Variants in CACNA1D observed in about 807,000 individuals in gnomAD.
CACNA1D encodes the protein calcium voltage-gated channel subunit alpha1 D.
A neutral mutation model predicts 257.1 loss-of-function variants in CACNA1D; 55 were observed. That is an observed-to-expected ratio of 0.21 (90% confidence interval 0.17 to 0.27). The LOEUF (loss-of-function observed/expected upper bound fraction) is 0.27. Ranked by LOEUF, CACNA1D falls within the 10% of genes least tolerant of loss-of-function variation. CACNA1D has a pLI of 1.00. For synonymous variants in CACNA1D, 980 were observed against 1,014.9 expected (o/e 0.97, Z 0.65); for missense variants, 1,876 against 2,784.0 (o/e 0.67, Z 7.34).
chr3:53,615,232 G>C (rs2093624779), intron 3 of CACNA1D, among the ~76,000 whole-genome samples: 1 of 152,098 alleles, frequency 6.6e-6, no homozygotes, highest in African/African-American at 2.4e-5. Context: ...CCTTCCTCAG[G>C]GGTTCAAATC....
At chr3:53,517,763 T>C (rs1170278469) in intron 3 of CACNA1D, among the ~76,000 whole-genome samples, 1 of 152,228 alleles carries the variant, frequency 6.6e-6, no homozygotes, top group African/African-American at 2.4e-5. Context: ...ATTACAGGCA[T>C]GAGCCACCGT....
intron 7 of CACNA1D, among the ~76,000 whole-genome samples, chr3:53,669,918 C>G (rs1167460686): frequency 6.6e-6 from 1 of 152,166 alleles, no homozygotes; most frequent in Admixed American, 6.5e-5. Flanking sequence ...TCTCAAGATG[C>G]AGAAATAAAC....
intron 3 of CACNA1D, among the ~76,000 whole-genome samples, chr3:53,615,592 T>C (rs1393088616): frequency 6.6e-6 from 1 of 152,214 alleles, no homozygotes; most frequent in Non-Finnish European, 1.5e-5. Flanking sequence ...GGCTTAAAGT[T>C]GCTGAGACAG....
chr3:53,589,018 C>G (rs116075285), intron 3 of CACNA1D, among the ~76,000 whole-genome samples: 3 of 152,212 alleles, frequency 2.0e-5, no homozygotes, highest in Admixed American at 6.5e-5. Flanking sequence ...CTAAAACTTA[C>G]GCATCACGGC....
At chr3:53,629,793 G>A (rs1464372916) in intron 3 of CACNA1D, among the ~76,000 whole-genome samples, 1 of 152,212 alleles carries the variant, frequency 6.6e-6, no homozygotes, top group Non-Finnish European at 1.5e-5. Context: ...GAGCCCCGAT[G>A]TATAAATGGT....
chr3:53,556,719 T>A (rs2092651216), intron 3 of CACNA1D, among the ~76,000 whole-genome samples: 1 of 152,032 alleles, frequency 6.6e-6, no homozygotes, highest in Non-Finnish European at 1.5e-5. Context: ...CTCTTTTTTT[T>A]TTTTAATTTT....
At chr3:53,587,103 A>T (rs1559880444) in intron 3 of CACNA1D, among the ~76,000 whole-genome samples, 1 of 152,170 alleles carries the variant, frequency 6.6e-6, no homozygotes, top group Non-Finnish European at 1.5e-5. Context: ...AAGCTGTGAG[A>T]AGCCACTAAA....
rs970531405 is a variant in CACNA1D at position 53,673,874 on chromosome 3, C to T, written c.1220+748C>T. 2.0e-5 allele frequency: 21 copies of T among 1,054,992 alleles called. No homozygotes were observed. The highest frequency in any genetic ancestry group is 1.0e-4 in the Admixed American group (6 of 59,286). 65.4% of individuals were successfully genotyped at this position (1,054,992 alleles called of 1,614,324 possible). On this transcript the variant is annotated intron_variant, in intron 8 of 47. Transcript: ENST00000350061. The surrounding 1 kb of genome is among the most constrained non-coding windows in gnomAD (Gnocchi z 4.1). ...TGCTGCCACGTGTGAGGCAACTCTG[C>T]GTGTCTCCTAGCTGCTCCCTGACAG... is the stretch of plus-strand genomic sequence containing the variant.
Position 53,495,219 on chromosome 3 carries a change from C to A in CACNA1D, c.53C>A (p.Ala18Glu). 1 of 1,613,726 alleles carries A rather than the reference C, an allele frequency of 6.2e-7. No homozygotes were observed. The highest frequency in any genetic ancestry group is 1.1e-5 in the South Asian group (1 of 91,060). Residue 18 changes from alanine (A) to glutamate (E), a missense_variant, in exon 1 of 48, where the codon GCG becomes GAG. Around this residue, in one of 10 missense-constraint regions of CACNA1D, gnomAD observed 143 missense variants for 168.7 expected, o/e 0.85. Coordinates refer to ENST00000350061, the MANE Select transcript of CACNA1D (RefSeq NM_001128840.3). This position sits in a 1 kb window ranked among gnomAD's most constrained non-coding sequence, Gnocchi z 5.1. Reference sequence around the variant, plus strand: ...ATGCAGCATCAACGGCAGCAGCAAGCGGACCACGCGAACGGTGAGCAGCCA... The same window carrying A: ...ATGCAGCATCAACGGCAGCAGCAAGAGGACCACGCGAACGGTGAGCAGCCA... ...KKMQHQRQQQ[A>E]DHANEANYAR...
At chr3:53,540,160 C>A (rs1378545447) in intron 3 of CACNA1D, among the ~76,000 whole-genome samples, 1 of 151,922 alleles carries the variant, frequency 6.6e-6, no homozygotes, top group Non-Finnish European at 1.5e-5. Flanking sequence ...ACTCTGTCAC[C>A]CAGGCTAGAG....
chr3:53,722,067 G>T (rs1203624134), intron 11 of CACNA1D, among the ~76,000 whole-genome samples: 1 of 152,210 alleles, frequency 6.6e-6, no homozygotes. Context: ...TTATCTATAA[G>T]CCATAAGGAA....
intron 3 of CACNA1D, among the ~76,000 whole-genome samples, chr3:53,648,957 T>C (rs565207561): frequency 6.6e-6 from 1 of 152,222 alleles, no homozygotes; most frequent in South Asian, 2.1e-4. Context: ...AACAGCCCTG[T>C]CCTTGGAAGG....
At chr3:53,525,067 G>C (rs1472974104) in intron 3 of CACNA1D, among the ~76,000 whole-genome samples, 1 of 152,098 alleles carries the variant, frequency 6.6e-6, no homozygotes, top group African/African-American at 2.4e-5. Flanking sequence ...TTGAGGTTCT[G>C]CTTAGCACTT....
chr3:53,697,047 C>T (rs899176084), intron 8 of CACNA1D, among the ~76,000 whole-genome samples: 1 of 152,224 alleles, frequency 6.6e-6, no homozygotes, highest in Non-Finnish European at 1.5e-5. Context: ...GCATAAGACA[C>T]TTCACAGCTG....
At chr3:53,497,677 A>ATAG (rs1559751448) in intron 2 of CACNA1D, among the ~76,000 whole-genome samples, 1 of 151,992 alleles carries the variant, frequency 6.6e-6, no homozygotes, top group Non-Finnish European at 1.5e-5. Context: ...GGATGTGTGT[A>ATAG]TAGTAGTAGT....
In CACNA1D at chr3:53,756,162, C is replaced by T. The variant is rs769938356; in HGVS notation, c.3786+2480C>T. ...AATAAGTATAGAAAGTGAGGTAAGA[C>T]AAAATTCTTACTGGTAGGTGAGAAG... On this transcript the variant is annotated intron_variant, in intron 29 of 47. Transcript: ENST00000350061. 3.3e-5 allele frequency among the ~76,000 whole-genome samples: 5 copies of T among 152,194 alleles called. No individual in the cohort carries two copies. In the South Asian group the frequency reaches 6.2e-4, roughly 19 times the overall value.
intron 9 of CACNA1D, among the ~76,000 whole-genome samples, chr3:53,707,989 C>T (rs1325391306): frequency 1.3e-5 from 2 of 152,256 alleles, no homozygotes; most frequent in Non-Finnish European, 2.9e-5. Flanking sequence ...GCCTCTCTGT[C>T]TTCTGCTTCT....
At chr3:53,641,659 C>T (rs114813029) in intron 3 of CACNA1D, among the ~76,000 whole-genome samples, 28 of 152,096 alleles carry the variant, frequency 1.8e-4, no homozygotes, top group African/African-American at 6.8e-4. Context: ...CTGGGATGCA[C>T]GGGATGGGAA....
intron 14 of CACNA1D, among the ~76,000 whole-genome samples, chr3:53,725,086 A>G (rs79762764): frequency 0.033 from 5,017 of 151,652 alleles, 278 homozygotes; most frequent in African/African-American, 0.11. Flanking sequence ...GCCAGCCACA[A>G]ATTTCCTCTT....
Sources: allele counts gnomAD v4.1 joint callset (sites outside exome capture counted in the v4.1 genomes callset), GRCh38; gene constraint gnomAD v4.1.1; regional missense constraint gnomAD v4.1.1; non-coding constraint Gnocchi (gnomAD v3.1); transcripts MANE v1.5; gene names NCBI Gene and HGNC (gene_info 2026-07-23, HGNC 2026-07-21).